Variants in SRRM4 observed in about 807,000 individuals in gnomAD.
SRRM4 encodes the protein serine/arginine repetitive matrix protein 4.
SRRM4 carries 33 observed loss-of-function variants against 68.9 expected under a neutral mutation model. That is an observed-to-expected ratio of 0.48 (90% CI 0.36 to 0.64). The LOEUF is 0.64. SRRM4 is among the 30% of genes least tolerant of loss of function. SRRM4 has a pLI of 0.00. For missense variants in SRRM4, 817 were observed against 827.1 expected, an observed-to-expected ratio of 0.99 and a Z score of 0.15; for synonymous variants, 318 against 318.8, an observed-to-expected ratio of 1.00 and a Z score of 0.03.
intron 6 of SRRM4, among the ~76,000 whole-genome samples, chr12:119,122,340 G>GGAAGGC (rs1565913399): frequency 2.5e-5 from 3 of 119,968 alleles, no homozygotes; most frequent in African/African-American, 1.1e-4. Context: ...GGAAGGAAGG[G>GGAAGGC]GAGAGGGAGG....
intron 1 of SRRM4, among the ~76,000 whole-genome samples, chr12:119,027,646 A>G (rs1953557792): frequency 1.3e-5 from 2 of 152,218 alleles, no homozygotes; most frequent in African/African-American, 4.8e-5. Flanking sequence ...CTATAATAAT[A>G]GATAACCTGG....
chr12:119,073,606 T>C (rs1250314279), intron 1 of SRRM4, among the ~76,000 whole-genome samples: 5 of 151,836 alleles, frequency 3.3e-5, no homozygotes, highest in Non-Finnish European at 7.4e-5. Flanking sequence ...ATTCCAGGAG[T>C]GAGCCATGGC....
chr12:119,020,983 G>T (rs902450200), intron 1 of SRRM4, among the ~76,000 whole-genome samples: 8 of 152,158 alleles, frequency 5.3e-5, no homozygotes, highest in Admixed American at 4.6e-4. Context: ...AGAGACGGTG[G>T]GGGGAGGCGC....
At chr12:119,023,331 G>A (rs1248008909) in intron 1 of SRRM4, among the ~76,000 whole-genome samples, 1 of 152,194 alleles carries the variant, frequency 6.6e-6, no homozygotes, top group African/African-American at 2.4e-5. Context: ...GGTGAGCACT[G>A]GGAACAGCTT....
At chr12:119,142,928 A>G (rs1024824379) in intron 8 of SRRM4, among the ~76,000 whole-genome samples, 1 of 152,216 alleles carries the variant, frequency 6.6e-6, no homozygotes, top group Non-Finnish European at 1.5e-5. Flanking sequence ...AATAAATAGG[A>G]GGACTGAATG....
At chr12:119,054,550 G>C (rs570696831) in intron 1 of SRRM4, among the ~76,000 whole-genome samples, 1 of 152,236 alleles carries the variant, frequency 6.6e-6, no homozygotes, top group African/African-American at 2.4e-5. Flanking sequence ...ACATTTTGTG[G>C]ACCTACAGCA....
intron 10 of SRRM4, among the ~76,000 whole-genome samples, chr12:119,152,314 A>G (rs1592918577): frequency 1.3e-5 from 2 of 152,346 alleles, no homozygotes; most frequent in East Asian, 3.9e-4. Flanking sequence ...ATAGAGTGAC[A>G]TAAATAGAAG....
intron 1 of SRRM4, among the ~76,000 whole-genome samples, chr12:118,997,792 T>A (rs1341770378): frequency 2.0e-5 from 3 of 152,160 alleles, no homozygotes; most frequent in Non-Finnish European, 4.4e-5. Context: ...TCCTTTAAGC[T>A]GCTTAAGCTT....
intron 10 of SRRM4, among the ~76,000 whole-genome samples, chr12:119,152,838 C>G (rs1476003206): frequency 6.6e-6 from 1 of 152,162 alleles, no homozygotes; most frequent in African/African-American, 2.4e-5. Context: ...GCAAAGAAGA[C>G]TAGGAGGAGC....
chr12:119,028,897 C>T (rs188803457), intron 1 of SRRM4, among the ~76,000 whole-genome samples: 1 of 152,270 alleles, frequency 6.6e-6, no homozygotes, highest in East Asian at 1.9e-4. Flanking sequence ...CAAGTTATAG[C>T]TGATAGACAC....
intron 1 of SRRM4, among the ~76,000 whole-genome samples, chr12:119,021,755 G>C (rs942537995): frequency 6.6e-6 from 1 of 152,128 alleles, no homozygotes; most frequent in Non-Finnish European, 1.5e-5. Flanking sequence ...CCAAAGACAT[G>C]GTCTCGTTCC....
chr12:119,091,973 T>C (rs557297297), intron 1 of SRRM4, among the ~76,000 whole-genome samples: 13 of 152,288 alleles, frequency 8.5e-5, no homozygotes, highest in Admixed American at 6.5e-4. Context: ...AGGAGTAAAA[T>C]GATGCTTAGC....
At chr12:118,997,260 C>T (rs1266657892) in intron 1 of SRRM4, among the ~76,000 whole-genome samples, 1 of 152,170 alleles carries the variant, frequency 6.6e-6, no homozygotes, top group Non-Finnish European at 1.5e-5. Context: ...GTAGGGATTT[C>T]CACTTCCTTA....
chr12:119,019,935 A>C (rs1953503884), intron 1 of SRRM4, among the ~76,000 whole-genome samples: 2 of 136,218 alleles, frequency 1.5e-5, no homozygotes, highest in East Asian at 2.1e-4. Context: ...AAAGCTCTGG[A>C]CAGTTCCCCC....
intron 8 of SRRM4, among the ~76,000 whole-genome samples, chr12:119,136,188 C>T (rs1266335936): frequency 2.6e-5 from 4 of 152,164 alleles, no homozygotes; most frequent in Non-Finnish European, 4.4e-5. Context: ...CATCCAAGAT[C>T]GCAGGTGAAC....
intron 1 of SRRM4, among the ~76,000 whole-genome samples, chr12:119,007,516 C>A (rs561083547): frequency 1.3e-5 from 2 of 152,158 alleles, no homozygotes; most frequent in Admixed American, 1.3e-4. Context: ...AGTCTGATTA[C>A]CTTGCCATGT....
intron 1 of SRRM4, among the ~76,000 whole-genome samples, chr12:119,011,896 C>T (rs1175189082): frequency 6.6e-6 from 1 of 152,042 alleles, no homozygotes; most frequent in African/African-American, 2.4e-5. Flanking sequence ...GCCACTTTGC[C>T]TTCCTCAGCT....
At chr12:119,120,392 C>A in intron 5 of SRRM4, 116 bp downstream of exon 5, 1 of 1,070,512 alleles carries the variant, frequency 9.3e-7, no homozygotes, top group Non-Finnish European at 1.3e-6. Flanking sequence ...ACCCCTTCAT[C>A]TTCCTGGGCC....
At chr12:119,125,233 A>G (rs1565914103) in intron 6 of SRRM4, 148 bp from the exon 7 acceptor site, 2 of 669,546 alleles carry the variant, frequency 3.0e-6, no homozygotes, top group African/African-American at 1.8e-5. Context: ...AGCTGGACTA[A>G]CGCATGGGGT....
Sources: allele counts gnomAD v4.1 joint callset (sites outside exome capture counted in the v4.1 genomes callset), GRCh38; gene constraint gnomAD v4.1.1; transcripts MANE v1.5; gene names NCBI Gene and HGNC (gene_info 2026-07-23, HGNC 2026-07-21).